RIN2: variants seen among roughly 807,000 people sequenced by gnomAD.
The protein encoded by RIN2 is RAB5 interacting protein 2.
RIN2 carries 36 observed loss-of-function variants against 78.0 expected under a neutral mutation model. The ratio of observed to expected loss-of-function variants is 0.46; its 90% CI spans 0.35 to 0.61. The LOEUF is 0.61. Ranked by LOEUF, RIN2 falls within the 20% of genes least tolerant of loss-of-function variation. The pLI is 0.00. For synonymous variants in RIN2, 466 were observed against 466.8 expected, an observed-to-expected ratio of 1.00 and a Z score of 0.02; for missense variants, 1,087 against 1,159.7, an observed-to-expected ratio of 0.94 and a Z score of 0.91.
At chr20:19,772,981 C>T (rs982672566) in intron 1 of RIN2, among the ~76,000 whole-genome samples, 5 of 152,296 alleles carry the variant, frequency 3.3e-5, no homozygotes, top group African/African-American at 7.2e-5. Context: ...CAAAATACCA[C>T]AAACAAGGTG....
intron 2 of RIN2, among the ~76,000 whole-genome samples, chr20:19,836,674 T>A (rs938037268): frequency 1.3e-5 from 2 of 152,208 alleles, no homozygotes; most frequent in Admixed American, 1.3e-4. Flanking sequence ...TGAACGGCTC[T>A]TATGTTTATT....
chr20:19,849,448 C>T (rs531890502), intron 2 of RIN2, among the ~76,000 whole-genome samples: 210 of 152,274 alleles, frequency 1.4e-3, no homozygotes, highest in Non-Finnish European at 2.8e-3. Flanking sequence ...CTGGTAGCTG[C>T]GAGAGCATCG....
chr20:19,918,188 A>T (rs1245657213), intron 3 of RIN2, among the ~76,000 whole-genome samples: 2 of 152,146 alleles, frequency 1.3e-5, no homozygotes, highest in East Asian at 3.8e-4. Context: ...GAGCCAGAAG[A>T]GGCACTGGAA....
chr20:19,774,076 C>T (rs2034227891), intron 1 of RIN2, among the ~76,000 whole-genome samples: 1 of 152,072 alleles, frequency 6.6e-6, no homozygotes. Context: ...TATGGGCTGT[C>T]AACCAGCTAC....
chr20:19,759,883 A>C (rs2033565196), intron 1 of RIN2, among the ~76,000 whole-genome samples: 1 of 152,130 alleles, frequency 6.6e-6, no homozygotes, highest in African/African-American at 2.4e-5. Flanking sequence ...ACCCTGCTTC[A>C]TTGTTCAATG....
intron 2 of RIN2, among the ~76,000 whole-genome samples, chr20:19,807,033 A>G (rs148298154): frequency 1.3e-5 from 2 of 152,366 alleles, no homozygotes; most frequent in African/African-American, 4.8e-5. Context: ...GTCTGGGTTC[A>G]GGCCAGCAAC....
intron 2 of RIN2, among the ~76,000 whole-genome samples, chr20:19,837,271 T>G (rs1348624289): frequency 6.6e-6 from 1 of 151,906 alleles, no homozygotes; most frequent in Admixed American, 6.6e-5. Flanking sequence ...AATCTGTTCA[T>G]GTAATAGCAG....
intron 2 of RIN2, among the ~76,000 whole-genome samples, chr20:19,825,531 T>C (rs1432715275): frequency 6.6e-6 from 1 of 152,230 alleles, no homozygotes; most frequent in Non-Finnish European, 1.5e-5. Flanking sequence ...CAGGTTCCTG[T>C]TCTCTCACTT....
chr20:19,982,651 G>T (rs751915569), intron 9 of RIN2, among the ~76,000 whole-genome samples: 3 of 152,134 alleles, frequency 2.0e-5, no homozygotes, highest in African/African-American at 7.2e-5. Flanking sequence ...AATGTAACAC[G>T]GTGTTGTGGA....
chr20:19,887,714 T>C (rs1257528858), intron 2 of RIN2, among the ~76,000 whole-genome samples: 3 of 152,194 alleles, frequency 2.0e-5, no homozygotes, highest in East Asian at 3.9e-4. Flanking sequence ...AGTTTGTATA[T>C]GGAAAACTTC....
intron 11 of RIN2, among the ~76,000 whole-genome samples, chr20:19,993,889 T>C (rs1215813640): frequency 2.0e-5 from 3 of 152,228 alleles, no homozygotes; most frequent in African/African-American, 7.2e-5. Context: ...AATATAAGTA[T>C]GTAGAGCTCT....
chr20:19,956,684 C>T lies in RIN2; in HGVS notation c.228C>T (p.Gly76=). 4.3e-6 allele frequency: 7 copies of T among 1,612,732 alleles called. No individual in the cohort carries two copies. Among genetic ancestry groups the T allele is most frequent in the Non-Finnish European group, 5.9e-6 (7 of 1,179,452 alleles). ...TGAAGACCTGTGCCCGGGACTCAGG[C>T]TATGACAGCCTCTCCAACAGGCTCA... ...EDVKTCARDS[G]YDSLSNRLSI... Residue 76 remains glycine (G), a synonymous_variant, in exon 5 of 13, where the codon GGC becomes GGT. Coordinates refer to ENST00000255006, the MANE Select transcript of RIN2 (RefSeq NM_018993.4).
rs750225007 is a variant in RIN2 at position 19,975,316 on chromosome 20, G to A, written c.1291G>A (p.Asp431Asn). The change falls in exon 9 of 13, where the codon GAC (aspartate) becomes AAC (asparagine). Residue 431 changes from aspartate (D) to asparagine (N), a missense_variant. Transcript: ENST00000255006. The surrounding 1 kb of genome is among the most constrained non-coding windows in gnomAD (Gnocchi z 4.9). ...CCATGGAGGCCGGCAGCGGCTGAGC[G>A]ACATGAGCATTTCTACTTCCTCCTC... ...PCHGGRQRLS[D>N]MSISTSSSDS... 7.5e-6 allele frequency: 12 copies of A among 1,608,906 alleles called. No individual in the cohort carries two copies. The highest frequency in any genetic ancestry group is 3.4e-6 in the Non-Finnish European group (4 of 1,177,808).
chr20:19,910,436 G>A (rs1195301844), intron 3 of RIN2, among the ~76,000 whole-genome samples: 1 of 151,954 alleles, frequency 6.6e-6, no homozygotes, highest in Admixed American at 6.6e-5. Flanking sequence ...GCCTCCCAAA[G>A]TGCTGGGATT....
chr20:19,791,583 A>G (rs972939026), intron 1 of RIN2, among the ~76,000 whole-genome samples: 1 of 152,250 alleles, frequency 6.6e-6, no homozygotes, highest in Non-Finnish European at 1.5e-5. Context: ...CAGTTGAGGA[A>G]AGTTAACTAA....
At chr20:19,766,272 A>C (rs747658640) in intron 1 of RIN2, among the ~76,000 whole-genome samples, 2 of 152,140 alleles carry the variant, frequency 1.3e-5, no homozygotes, top group Admixed American at 1.3e-4. Context: ...GTCTTTCCCT[A>C]AACAGTTTAC....
At chr20:19,815,364 T>G (rs10485592) in intron 2 of RIN2, among the ~76,000 whole-genome samples, 50,036 of 151,916 alleles carry the variant, frequency 0.33, 9,029 homozygotes, top group African/African-American at 0.49. Flanking sequence ...ATTAAAGAAG[T>G]TATACATAGG....
At chr20:19,798,176 G>T (rs1239451713) in intron 1 of RIN2, among the ~76,000 whole-genome samples, 2 of 152,106 alleles carry the variant, frequency 1.3e-5, no homozygotes, top group African/African-American at 4.8e-5. Flanking sequence ...TTAGAGCAAT[G>T]CTTTGAAATA....
chr20:19,849,471 T>A (rs1446699223), intron 2 of RIN2, among the ~76,000 whole-genome samples: 1 of 152,280 alleles, frequency 6.6e-6, no homozygotes, highest in Non-Finnish European at 1.5e-5. Context: ...CTACCCCGAC[T>A]CTGCTCCTGC....
Sources: allele counts gnomAD v4.1 joint callset (sites outside exome capture counted in the v4.1 genomes callset), GRCh38; gene constraint gnomAD v4.1.1; non-coding constraint Gnocchi (gnomAD v3.1); transcripts MANE v1.5; gene names NCBI Gene and HGNC (gene_info 2026-07-23, HGNC 2026-07-21).